PTPRR: variants seen among roughly 807,000 people sequenced by gnomAD.
The protein encoded by PTPRR is receptor-type tyrosine-protein phosphatase R.
PTPRR carries 38 observed loss-of-function variants against 77.2 expected under a neutral mutation model. That is an observed-to-expected ratio of 0.49 (90% CI 0.38 to 0.65). PTPRR has a LOEUF of 0.65. PTPRR is among the 30% of genes least tolerant of loss of function. The pLI, the probability that PTPRR is intolerant of heterozygous loss-of-function variation, is 0.00. For synonymous variants in PTPRR, 299 were observed against 283.1 expected (o/e 1.06, Z -0.57); for missense variants, 744 against 799.2 (o/e 0.93, Z 0.83).
chr12:70,665,364 C>CTTTT lies in PTPRR; in HGVS notation c.1498-2763_1498-2760dup, dbSNP rs72472808. 4.3e-3 allele frequency among the ~76,000 whole-genome samples: 191 copies of CTTTT among 44,634 alleles called. 8 individuals carry two copies. The highest frequency in any genetic ancestry group is 5.5e-3 in the Non-Finnish European group (124 of 22,448). The allele number at this position is 44,634 out of a possible 152,430, so 29.3% of individuals were successfully genotyped here. ...GATGTAACACAAAGCAATGCAAATT[C>CTTTT]TTTTTTTTTTTTTTTTTTTTTTTTT... On this transcript the variant is annotated intron_variant, in intron 10 of 13. Transcript: ENST00000283228.
At chr12:70,807,593 C>A (rs1891733364) in intron 2 of PTPRR, among the ~76,000 whole-genome samples, 1 of 152,120 alleles carries the variant, frequency 6.6e-6, no homozygotes, top group Admixed American at 6.5e-5. Flanking sequence ...TACAGACCGG[C>A]TGAAGCCATG....
intron 2 of PTPRR, among the ~76,000 whole-genome samples, chr12:70,803,566 G>A (rs1297518459): frequency 1.3e-5 from 2 of 152,104 alleles, no homozygotes; most frequent in Non-Finnish European, 2.9e-5. Context: ...TAGGTGCTCT[G>A]GTAGCTTCCC....
intron 2 of PTPRR, among the ~76,000 whole-genome samples, chr12:70,785,889 A>G (rs1472627460): frequency 6.6e-6 from 1 of 152,192 alleles, no homozygotes; most frequent in Non-Finnish European, 1.5e-5. Context: ...GTTTGAGTCA[A>G]CAGAACTTTC....
chr12:70,696,745 T>C (rs1403468237), intron 8 of PTPRR, among the ~76,000 whole-genome samples: 1 of 152,136 alleles, frequency 6.6e-6, no homozygotes, highest in Non-Finnish European at 1.5e-5. Context: ...CCAAAATAAA[T>C]ACAGGTCCTT....
chr12:70,888,731 C>T (rs902740693), intron 2 of PTPRR, among the ~76,000 whole-genome samples: 1 of 152,054 alleles, frequency 6.6e-6, no homozygotes, highest in Non-Finnish European at 1.5e-5. Flanking sequence ...ATCATGCTTT[C>T]TTTGAGTTTG....
intron 13 of PTPRR, 23 bp from the exon 14 acceptor site, chr12:70,639,300 T>A (rs1462744240): frequency 1.8e-5 from 29 of 1,607,320 alleles, no homozygotes; most frequent in Non-Finnish European, 2.3e-5. Flanking sequence ...AATCATAAAA[T>A]AACTGATTTT....
intron 13 of PTPRR, among the ~76,000 whole-genome samples, chr12:70,649,288 A>C (rs1886307644): frequency 6.6e-6 from 1 of 152,190 alleles, no homozygotes; most frequent in Non-Finnish European, 1.5e-5. Context: ...CCCCATTTCA[A>C]GTATCCAAAT....
chr12:70,834,729 T>C (rs558352105), intron 2 of PTPRR, among the ~76,000 whole-genome samples: 1 of 152,224 alleles, frequency 6.6e-6, no homozygotes, highest in South Asian at 2.1e-4. Flanking sequence ...TCTTTCAGAG[T>C]AATTCTCTCA....
intron 3 of PTPRR, 138 bp downstream of exon 3, chr12:70,764,527 T>C: frequency 1.5e-6 from 1 of 675,306 alleles, no homozygotes; most frequent in Non-Finnish European, 2.6e-6. Flanking sequence ...ATAGCTTGTT[T>C]CATAAAATTT....
intron 2 of PTPRR, among the ~76,000 whole-genome samples, chr12:70,794,105 T>C (rs1262982667): frequency 6.6e-6 from 1 of 152,242 alleles, no homozygotes; most frequent in Non-Finnish European, 1.5e-5. Context: ...TTAAGCCAGA[T>C]ACTTTGTCTC....
At chr12:70,862,629 T>C (rs988692744) in intron 2 of PTPRR, among the ~76,000 whole-genome samples, 3 of 149,298 alleles carry the variant, frequency 2.0e-5, no homozygotes, top group Non-Finnish European at 4.5e-5. Context: ...TTAGGAGATG[T>C]ACCTAATGCT....
intron 5 of PTPRR, among the ~76,000 whole-genome samples, chr12:70,752,650 C>G (rs896699187): frequency 6.6e-6 from 1 of 152,182 alleles, no homozygotes; most frequent in Admixed American, 6.6e-5. Context: ...TGCCTTTGCT[C>G]TTCTGAATCA....
At chr12:70,664,531 C>T (rs1358560938) in intron 10 of PTPRR, 1 of 152,214 alleles carries the variant, frequency 6.6e-6, no homozygotes, top group Non-Finnish European at 1.5e-5. Context: ...CACGATCAGA[C>T]CTGAGCAGCA....
intron 6 of PTPRR, among the ~76,000 whole-genome samples, chr12:70,703,334 T>C (rs948208983): frequency 1.7e-4 from 26 of 152,176 alleles, no homozygotes; most frequent in African/African-American, 6.0e-4. Context: ...CTTAACTCTT[T>C]TGGATCACTG....
intron 10 of PTPRR, among the ~76,000 whole-genome samples, chr12:70,668,236 T>C (rs1252114149): frequency 6.6e-6 from 1 of 150,860 alleles, no homozygotes; most frequent in Non-Finnish European, 1.5e-5. Context: ...GAGAGGAGGA[T>C]AAGGAAGAGG....
chr12:70,647,681 T>C (rs1239017697), intron 13 of PTPRR, among the ~76,000 whole-genome samples: 1 of 152,204 alleles, frequency 6.6e-6, no homozygotes, highest in East Asian at 1.9e-4. Flanking sequence ...GGTTTAAGTA[T>C]TATATGGAAG....
rs560012115 is a variant in PTPRR, at chr12:70,730,764, C to T, written c.1007+15054G>A. Among the ~76,000 whole-genome samples the T allele has an allele frequency of 8.6e-5, 13 of 151,604 alleles. No homozygotes were observed. In the South Asian group the frequency reaches 2.5e-3, roughly 29 times the overall value. ...ACTTGAGCCCAGGAGTTTGAAGTTA[C>T]AGTGAGCTAGGATCATGCCACGCCA... On this transcript the variant is annotated intron_variant, in intron 6 of 13. Transcript: ENST00000283228.
chr12:70,836,923 T>C (rs1892314061), intron 2 of PTPRR, among the ~76,000 whole-genome samples: 1 of 152,112 alleles, frequency 6.6e-6, no homozygotes, highest in African/African-American at 2.4e-5. Flanking sequence ...TATGTAAACA[T>C]TTATCTTGCT....
chr12:70,751,655 T>C (rs944154320), intron 5 of PTPRR, among the ~76,000 whole-genome samples: 1 of 152,126 alleles, frequency 6.6e-6, no homozygotes, highest in Non-Finnish European at 1.5e-5. Context: ...TTCTTCTTCA[T>C]AGCACTTATC....
Sources: allele counts gnomAD v4.1 joint callset (sites outside exome capture counted in the v4.1 genomes callset), GRCh38; gene constraint gnomAD v4.1.1; transcripts MANE v1.5; gene names NCBI Gene and HGNC (gene_info 2026-07-23, HGNC 2026-07-21).